MYO10: variants seen among roughly 807,000 people sequenced by gnomAD.
The protein encoded by MYO10 is unconventional myosin-X.
Under a neutral mutation model 257.3 loss-of-function variants are expected in MYO10, and 133 were observed. That is an observed-to-expected ratio of 0.52 (90% CI 0.45 to 0.60). The LOEUF is 0.60. Ranked by LOEUF, MYO10 falls within the 20% of genes least tolerant of loss-of-function variation. The pLI, the probability that MYO10 is intolerant of heterozygous loss-of-function variation, is 0.00. For synonymous variants in MYO10, 1,104 were observed against 1,028.6 expected (o/e 1.07, Z -1.40); for missense variants, 2,399 against 2,635.7 (o/e 0.91, Z 1.97).
At chr5:16,749,007 C>CTCTG (rs1413115763) in intron 19 of MYO10, among the ~76,000 whole-genome samples, 1 of 152,118 alleles carries the variant, frequency 6.6e-6, no homozygotes, top group Non-Finnish European at 1.5e-5. Flanking sequence ...ACAGATGGGG[C>CTCTG]TCCAAGATCG....
rs1736065618 is a variant in MYO10 at position 16,663,920 on chromosome 5, C to T, written c.*2772G>A. 1 of 151,996 alleles carries T rather than the reference C, an allele frequency of 6.6e-6. No individual in the cohort carries two copies. The highest frequency in any genetic ancestry group is 2.1e-4 in the South Asian group (1 of 4,822). The allele number at this position is 151,996 out of a possible 1,614,324, so 9.4% of individuals were successfully genotyped here. The stretch of plus-strand genomic sequence containing the variant: ...GGGGGGAGGGGGTCCTGGAACCAAT[C>T]TCCCTTGGATACCAAGGGACGACTG... On this transcript the variant is annotated 3_prime_UTR_variant, in exon 41 of 41. Coordinates refer to ENST00000513610, the MANE Select transcript of MYO10 (RefSeq NM_012334.3).
chr5:16,896,278 G>A (rs1302659680), intron 1 of MYO10, among the ~76,000 whole-genome samples: 1 of 152,110 alleles, frequency 6.6e-6, no homozygotes, highest in East Asian at 1.9e-4. Flanking sequence ...GGACAATACT[G>A]TGAGACCTTA....
chr5:16,723,239 T>A (rs60882332), intron 19 of MYO10, among the ~76,000 whole-genome samples: 10,022 of 151,210 alleles, frequency 0.066, 1,101 homozygotes, highest in African/African-American at 0.23. Flanking sequence ...AAAAAAAAAA[T>A]TAGCTGGGCG....
chr5:16,704,256 T>A (rs1040792881), intron 22 of MYO10, among the ~76,000 whole-genome samples: 2 of 151,814 alleles, frequency 1.3e-5, no homozygotes, highest in East Asian at 3.9e-4. Context: ...GCCCAGGAGG[T>A]CAAGGCTGCA....
At chr5:16,756,069 T>A (rs577742483) in intron 18 of MYO10, among the ~76,000 whole-genome samples, 2 of 152,124 alleles carry the variant, frequency 1.3e-5, no homozygotes, top group Admixed American at 1.3e-4. Context: ...TTTTAAAAAT[T>A]TTATTATTTA....
At chr5:16,694,282 G>A (rs1053810297) in intron 27 of MYO10, 89 bp downstream of exon 27, 48 of 1,560,604 alleles carry the variant, frequency 3.1e-5, no homozygotes, top group African/African-American at 1.9e-4. Context: ...GGCTACTGCC[G>A]CTGCAAGGAA....
At chr5:16,812,926 ATTT>A (rs756853883) in intron 3 of MYO10, among the ~76,000 whole-genome samples, 1 of 127,976 alleles carries the variant, frequency 7.8e-6, no homozygotes, top group Non-Finnish European at 1.6e-5. Context: ...GGGTGCTTTT[ATTT>A]TTTTTTTTTT....
intron 2 of MYO10, among the ~76,000 whole-genome samples, chr5:16,837,306 G>A (rs146090951): frequency 3.3e-5 from 5 of 151,836 alleles, no homozygotes; most frequent in African/African-American, 9.7e-5. Context: ...GCAAAATTCC[G>A]TCTCAAAAGA....
At chr5:16,893,196 C>CAAACAAAAAAAAAAA in intron 1 of MYO10, among the ~76,000 whole-genome samples, 2 of 69,570 alleles carry the variant, frequency 2.9e-5, no homozygotes, top group Middle Eastern at 0.01. Context: ...GACTCTGTCT[C>CAAACAAAAAAAAAAA]AAAAAAAAAA....
chr5:16,686,646 T>C (rs941455427), intron 28 of MYO10, among the ~76,000 whole-genome samples: 26 of 152,126 alleles, frequency 1.7e-4, no homozygotes, highest in African/African-American at 6.3e-4. Flanking sequence ...GTGATTCTCC[T>C]GCCTCAGCCT....
intron 18 of MYO10, 125 bp from the exon 19 acceptor site, chr5:16,755,033 G>C (rs776647440): frequency 4.1e-6 from 2 of 484,066 alleles, no homozygotes; most frequent in Non-Finnish European, 6.9e-6. Context: ...TAATAACTTA[G>C]AGGTTTTCAT....
intron 9 of MYO10, among the ~76,000 whole-genome samples, chr5:16,779,147 T>A (rs1157120955): frequency 6.6e-6 from 1 of 152,200 alleles, no homozygotes; most frequent in African/African-American, 2.4e-5. Flanking sequence ...GGCAGATTTG[T>A]TATTAGCTAT....
intron 4 of MYO10, among the ~76,000 whole-genome samples, chr5:16,785,694 A>G (rs551580856): frequency 6.6e-6 from 1 of 152,226 alleles, no homozygotes; most frequent in East Asian, 1.9e-4. Context: ...ACATGGTGAA[A>G]CCCTGTCTCT....
intron 9 of MYO10, among the ~76,000 whole-genome samples, chr5:16,769,629 C>T (rs111825080): frequency 5.5e-4 from 83 of 152,222 alleles, no homozygotes; most frequent in African/African-American, 1.9e-3. Context: ...CGTGAGCCAC[C>T]GCGCCCGCCC....
At chr5:16,897,724 C>G (rs545376363) in intron 1 of MYO10, among the ~76,000 whole-genome samples, 2 of 152,288 alleles carry the variant, frequency 1.3e-5, no homozygotes, top group South Asian at 4.1e-4. Context: ...ACAGCTCTCC[C>G]TGCGGGTGTG....
At chr5:16,741,481 A>G (rs527826933) in intron 19 of MYO10, among the ~76,000 whole-genome samples, 4 of 152,362 alleles carry the variant, frequency 2.6e-5, no homozygotes, top group Non-Finnish European at 5.9e-5. Flanking sequence ...AAATTCAAAC[A>G]AAAGAAACCA....
intron 19 of MYO10, among the ~76,000 whole-genome samples, chr5:16,728,017 GGTCACATACT>G (rs1739439494): frequency 2.6e-5 from 4 of 152,104 alleles, no homozygotes; most frequent in Admixed American, 2.6e-4. Flanking sequence ...CTCTGTGCCT[GGTCACATACT>G]TGTTTCCAAA....
chr5:16,725,458 G>A (rs990014095), intron 19 of MYO10, among the ~76,000 whole-genome samples: 1 of 152,050 alleles, frequency 6.6e-6, no homozygotes, highest in South Asian at 2.1e-4. Flanking sequence ...CCTTGAACAG[G>A]AGCTATGTTT....
chr5:16,824,553 G>A (rs1238890370), intron 2 of MYO10, among the ~76,000 whole-genome samples: 1 of 152,114 alleles, frequency 6.6e-6, no homozygotes, highest in East Asian at 1.9e-4. Context: ...ATGCCTGTAA[G>A]TAAAACTTTT....
Sources: gnomAD v4.1 joint callset for allele counts (sites outside exome capture counted in the v4.1 genomes callset) on GRCh38, gnomAD v4.1.1 for gene constraint, MANE v1.5 for transcripts, NCBI Gene and HGNC (gene_info 2026-07-23, HGNC 2026-07-21) for gene names.